Variants in WBP4 observed in about 807,000 individuals in gnomAD.
WBP4 encodes the protein WW domain binding protein 4.
A neutral mutation model predicts 55.4 loss-of-function variants in WBP4; 37 were observed. The ratio of observed to expected loss-of-function variants is 0.67; its 90% CI spans 0.51 to 0.88. WBP4 has a LOEUF of 0.88. WBP4 is among the 40% of genes least tolerant of loss of function. The pLI is 0.00. For missense variants in WBP4, 398 were observed against 420.8 expected, an observed-to-expected ratio of 0.95 and a Z score of 0.47; for synonymous variants, 142 against 140.2, an observed-to-expected ratio of 1.01 and a Z score of -0.09.
intron 8 of WBP4, among the ~76,000 whole-genome samples, chr13:41,078,766 G>A (rs539888425): frequency 6.6e-6 from 1 of 152,208 alleles, no homozygotes; most frequent in South Asian, 2.1e-4. Context: ...GGCGGAGGTT[G>A]CAGTGAGCTA....
In WBP4 at chr13:41,061,669, C is replaced by T. The variant is rs1324411453; in HGVS notation, c.-5C>T. 5 of 1,614,058 alleles carry T rather than the reference C, an allele frequency of 3.1e-6. No homozygotes were observed. The highest frequency in any genetic ancestry group is 1.3e-5 in the African/African-American group (1 of 75,062). ...TGGACGACTTGCAGAGCGGCTGGCG[C>T]AGTCATGTGAGTTGGGTCTCAGGCC... On this transcript the variant is annotated 5_prime_UTR_variant, in exon 1 of 10. Transcript: ENST00000379487.
intron 5 of WBP4, among the ~76,000 whole-genome samples, chr13:41,069,447 G>A (rs1878130768): frequency 1.3e-5 from 2 of 152,122 alleles, no homozygotes; most frequent in South Asian, 4.1e-4. Flanking sequence ...CAGATCACAA[G>A]GTCAGGAGAT....
In WBP4 at chr13:41,068,546, C is replaced by T. The variant is rs1280051299; in HGVS notation, c.263-15C>T. The T allele has an allele frequency of 6.3e-7, 1 of 1,576,430 alleles. No homozygotes were observed. Among genetic ancestry groups the T allele is most frequent in the African/African-American group, 1.4e-5 (1 of 72,928 alleles). On this transcript the variant is annotated splice_polypyrimidine_tract_variant and intron_variant, in intron 4 of 9. Coordinates refer to ENST00000379487, the MANE Select transcript of WBP4 (RefSeq NM_007187.5). ...TAGTTACTATAGCTGCTTTACCCTT[C>T]TCTCATCTCTTTAGAAATTTTGGAG...
Position 41,061,528 on chromosome 13 carries a change from C to T in WBP4, c.-146C>T, listed in dbSNP as rs534868588. On this transcript the variant is annotated 5_prime_UTR_variant, in exon 1 of 10. It adds an upstream start codon to the 5' untranslated region. Transcript: ENST00000379487. ...GCACCCGTAGTTGGGAACAGCGGAA[C>T]GCTGGTCCCGGGGACTGAGTAAGGT... 2.8e-4 allele frequency: 366 copies of T among 1,302,310 alleles called. 2 individuals carry two copies. The East Asian group carries it at 8.5e-3, about 30-fold the overall frequency. 80.7% of individuals were successfully genotyped at this position (1,302,310 alleles called of 1,614,324 possible).
rs1877751665 is a variant in WBP4 at position 41,062,728 on chromosome 13, C to A, written c.75+12C>A. On this transcript the variant is annotated intron_variant, in intron 2 of 9. Coordinates refer to ENST00000379487, the MANE Select transcript of WBP4 (RefSeq NM_007187.5). ...CAGACAATAGGCCTGTATGATAATT[C>A]CGCTGTTAGAGATTCTAATAATAAT... 3 of 1,597,668 alleles carry A rather than the reference C, an allele frequency of 1.9e-6. No individual in the cohort carries two copies. The African/African-American group carries it at 4.0e-5, about 21-fold the overall frequency.
At chr13:41,062,749 ATAAT>A in intron 2 of WBP4, 33 bp downstream of exon 2, 1 of 1,579,238 alleles carries the variant, frequency 6.3e-7, no homozygotes, top group Non-Finnish European at 8.7e-7. Flanking sequence ...GATTCTAATA[ATAAT>A]TGTGTTGAAT....
chr13:41,062,510 A>T, intron 1 of WBP4, 134 bp from the exon 2 acceptor site: 1 of 797,156 alleles, frequency 1.3e-6, no homozygotes, highest in African/African-American at 1.7e-5. Flanking sequence ...GATAAATAAT[A>T]AAACGACTAT....
intron 1 of WBP4, 51 bp from the exon 2 acceptor site, chr13:41,062,593 A>C (rs773270466): frequency 1.2e-5 from 18 of 1,539,748 alleles, no homozygotes; most frequent in Non-Finnish European, 1.6e-5. Flanking sequence ...TGCAGAATTT[A>C]ACCTTTTTTA....
chr13:41,076,519 G>A (rs930410829), intron 8 of WBP4, among the ~76,000 whole-genome samples: 4 of 152,016 alleles, frequency 2.6e-5, no homozygotes, highest in African/African-American at 9.7e-5. Flanking sequence ...CTGACCTCGT[G>A]ATCTACTTGC....
In WBP4 at chr13:41,082,934, A is replaced by T; in HGVS notation, c.*20A>T. The T allele has an allele frequency of 6.2e-7, 1 of 1,612,268 alleles. No homozygotes were observed. The highest frequency in any genetic ancestry group is 1.1e-5 in the South Asian group (1 of 90,906). On this transcript the variant is annotated 3_prime_UTR_variant, in exon 10 of 10. Coordinates refer to ENST00000379487, the MANE Select transcript of WBP4 (RefSeq NM_007187.5). ...CAATAGTTGCAGGAGAGCTTTTTGT[A>T]CATGCTTTTAGGACAGAATGGAGAC...
rs111665018 is a variant in WBP4 at position 41,062,809 on chromosome 13, T to C, written c.75+93T>C. 266 of 1,080,548 alleles carry C rather than the reference T, an allele frequency of 2.5e-4. 1 individual carries two copies. The African/African-American group carries it at 4.0e-3, about 16-fold the overall frequency. 66.9% of individuals were successfully genotyped at this position (1,080,548 alleles called of 1,614,324 possible). Reference sequence around the variant, plus strand: ...AAACTCAGTTTACAAAGCACTTTTATGTACATTGCTCTTGCATTTTCAAAA... The same window carrying C: ...AAACTCAGTTTACAAAGCACTTTTACGTACATTGCTCTTGCATTTTCAAAA... On this transcript the variant is annotated intron_variant, in intron 2 of 9. Transcript: ENST00000379487.
rs1398288923 is a variant in WBP4 at position 41,061,613 on chromosome 13, C to G, written c.-61C>G. On this transcript the variant is annotated 5_prime_UTR_variant, in exon 1 of 10. Transcript: ENST00000379487. ...GCGGCTGGAAGAGCTCGACTCGTCC[C>G]GCTGGGAAAGCGCGAGTCTGAGTGG... is the stretch of plus-strand genomic sequence containing the variant. 66 of 1,613,652 alleles carry G rather than the reference C, an allele frequency of 4.1e-5. 1 individual carries two copies. The South Asian group carries it at 6.2e-4, about 15-fold the overall frequency.
At chr13:41,076,505 TCTC>T (rs1878501497) in intron 8 of WBP4, among the ~76,000 whole-genome samples, 1 of 151,972 alleles carries the variant, frequency 6.6e-6, no homozygotes, top group African/African-American at 2.4e-5. Context: ...ATGGTCTTGA[TCTC>T]CTGACCTCGT....
At chr13:41,074,298 A>G (rs184365948) in intron 7 of WBP4, among the ~76,000 whole-genome samples, 13 of 152,336 alleles carry the variant, frequency 8.5e-5, no homozygotes, top group Admixed American at 6.5e-4. Context: ...CAGAACAGCT[A>G]TAACATTAAT....
chr13:41,080,097 T>C (rs1878701386), intron 8 of WBP4, among the ~76,000 whole-genome samples: 1 of 152,158 alleles, frequency 6.6e-6, no homozygotes, highest in African/African-American at 2.4e-5. Context: ...GTTGAACATG[T>C]GTCTATTGGG....
At chr13:41,071,432 T>C in intron 5 of WBP4, 95 bp from the exon 6 acceptor site, 1 of 987,526 alleles carries the variant, frequency 1.0e-6, no homozygotes, top group Admixed American at 2.2e-5. Flanking sequence ...CCTGTAGTGT[T>C]TTGTACATAA....
intron 7 of WBP4, among the ~76,000 whole-genome samples, chr13:41,075,658 A>G (rs1009044486): frequency 6.6e-6 from 1 of 152,188 alleles, no homozygotes; most frequent in African/African-American, 2.4e-5. Context: ...TGGAATTACA[A>G]GCATAAGCCA....
At chr13:41,075,325 T>C (rs1305744227) in intron 7 of WBP4, among the ~76,000 whole-genome samples, 1 of 152,130 alleles carries the variant, frequency 6.6e-6, no homozygotes, top group African/African-American at 2.4e-5. Context: ...AAAATGAGAA[T>C]TTAATATTCA....
intron 2 of WBP4, among the ~76,000 whole-genome samples, chr13:41,063,928 C>T (rs1047335940): frequency 9.9e-5 from 15 of 151,948 alleles, no homozygotes; most frequent in African/African-American, 3.4e-4. Flanking sequence ...TTTTGCAGAG[C>T]TTGTGAGGAA....
Sources: gnomAD v4.1 joint callset for allele counts (sites outside exome capture counted in the v4.1 genomes callset) on GRCh38, gnomAD v4.1.1 for gene constraint, MANE v1.5 for transcripts, NCBI Gene and HGNC (gene_info 2026-07-23, HGNC 2026-07-21) for gene names.